Variants in GSAP observed in about 807,000 individuals in gnomAD.
GSAP encodes the protein gamma-secretase-activating protein.
A neutral mutation model predicts 131.7 loss-of-function variants in GSAP; 118 were observed. The observed-to-expected ratio is 0.90, with a 90% CI of 0.77 to 1.04. The LOEUF is 1.04. Among genes scored for constraint, GSAP ranks in the 50% least tolerant of loss-of-function variants. The pLI, the probability that GSAP is intolerant of heterozygous loss-of-function variation, is 0.00. For missense variants in GSAP, 1,019 were observed against 1,013.2 expected, an observed-to-expected ratio of 1.01 and a Z score of -0.08; for synonymous variants, 381 against 363.4, an observed-to-expected ratio of 1.05 and a Z score of -0.55.
At chr7:77,354,095 G>A (rs147641314) in intron 16 of GSAP, among the ~76,000 whole-genome samples, 132 of 152,226 alleles carry the variant, frequency 8.7e-4, no homozygotes, top group African/African-American at 3.1e-3. Context: ...CCTCCTGAGG[G>A]AGGGATAATC....
chr7:77,330,552 T>C (rs1788952234), intron 19 of GSAP, 185 bp from the exon 20 acceptor site: 2 of 1,173,798 alleles, frequency 1.7e-6, no homozygotes, highest in African/African-American at 1.6e-5. Context: ...GAATCTTCTT[T>C]ACCCACTTCA....
chr7:77,353,432 C>T (rs1298023642), intron 17 of GSAP, 140 bp downstream of exon 17: 14 of 587,480 alleles, frequency 2.4e-5, no homozygotes, highest in Non-Finnish European at 3.9e-5. Flanking sequence ...CTGCTGACTC[C>T]GATAGAGTTT....
intron 28 of GSAP, among the ~76,000 whole-genome samples, chr7:77,312,613 T>C (rs1794519167): frequency 6.6e-6 from 1 of 152,232 alleles, no homozygotes; most frequent in African/African-American, 2.4e-5. Flanking sequence ...TAAACAAATT[T>C]GGAGACCAAA....
chr7:77,382,311 C>T (rs940611525), intron 7 of GSAP, among the ~76,000 whole-genome samples: 3 of 152,108 alleles, frequency 2.0e-5, no homozygotes, highest in Admixed American at 6.6e-5. Context: ...TACAAACATT[C>T]TACCATGGGA....
intron 3 of GSAP, among the ~76,000 whole-genome samples, chr7:77,402,999 C>T (rs1431393767): frequency 3.9e-5 from 6 of 152,086 alleles, no homozygotes; most frequent in East Asian, 1.9e-4. Flanking sequence ...CTAAAGGTAA[C>T]GGGGATAAAA....
At chr7:77,382,510 T>C (rs1797947863) in intron 7 of GSAP, 64 bp downstream of exon 7, 2 of 849,258 alleles carry the variant, frequency 2.4e-6, no homozygotes, top group African/African-American at 1.6e-5. Context: ...TTCAATCATG[T>C]ACCACACTAG....
At chr7:77,343,075 G>C (rs1791257806) in intron 19 of GSAP, among the ~76,000 whole-genome samples, 1 of 152,206 alleles carries the variant, frequency 6.6e-6, no homozygotes, top group African/African-American at 2.4e-5. Flanking sequence ...AGGGCTGTAT[G>C]GTTGGAGTTC....
At chr7:77,318,069 G>C (rs146573731) in intron 26 of GSAP, among the ~76,000 whole-genome samples, 25 of 152,296 alleles carry the variant, frequency 1.6e-4, no homozygotes, top group African/African-American at 6.0e-4. Flanking sequence ...CCCATAAATA[G>C]CCCATGTTTC....
intron 19 of GSAP, among the ~76,000 whole-genome samples, chr7:77,334,580 T>TAAAAAAA (rs57442782): frequency 7.3e-5 from 6 of 81,950 alleles, no homozygotes; most frequent in African/African-American, 2.5e-4. Flanking sequence ...ACTTAAAATT[T>TAAAAAAA]AAAAAAAAAA....
chr7:77,387,126 T>G (rs1584664482), intron 6 of GSAP, among the ~76,000 whole-genome samples: 1 of 152,246 alleles, frequency 6.6e-6, no homozygotes, highest in East Asian at 1.9e-4. Flanking sequence ...TATTTGATAT[T>G]TTATCATGAG....
At chr7:77,334,038 T>C (rs1373028330) in intron 19 of GSAP, among the ~76,000 whole-genome samples, 1 of 152,136 alleles carries the variant, frequency 6.6e-6, no homozygotes. Flanking sequence ...GAACTGGAAG[T>C]ATTATACCAT....
At chr7:77,329,483 T>A in intron 20 of GSAP, 92 bp from the exon 21 acceptor site, 2 of 569,332 alleles carry the variant, frequency 3.5e-6, no homozygotes, top group Non-Finnish European at 3.1e-6. Context: ...GTTAAGAGCA[T>A]CAGAGAGAAG....
At chr7:77,404,536 A>C (rs1384333324) in intron 3 of GSAP, 23 bp downstream of exon 3, 1 of 1,302,800 alleles carries the variant, frequency 7.7e-7, no homozygotes, top group Non-Finnish European at 1.1e-6. Context: ...TAAAGTAACC[A>C]ATGAGTAATC....
At chr7:77,378,728 C>T (rs755198807) in intron 8 of GSAP, among the ~76,000 whole-genome samples, 23 of 152,292 alleles carry the variant, frequency 1.5e-4, no homozygotes, top group Admixed American at 3.9e-4. Flanking sequence ...CTGGAATCCA[C>T]GTCCTGGAAT....
chr7:77,347,072 C>T (rs1457439522), intron 19 of GSAP, among the ~76,000 whole-genome samples: 1 of 151,902 alleles, frequency 6.6e-6, no homozygotes. Flanking sequence ...GGAAGTTTCC[C>T]CATAGCTGAA....
chr7:77,371,122 T>C (rs762161853), intron 12 of GSAP, among the ~76,000 whole-genome samples: 3 of 152,110 alleles, frequency 2.0e-5, no homozygotes, highest in Non-Finnish European at 4.4e-5. Flanking sequence ...TCTTCTAAGC[T>C]CCAGATCTTT....
Position 77,311,377 on chromosome 7 carries a change from G to A in GSAP, c.2546C>T (p.Ala849Val), listed in dbSNP as rs997595271. Residue 849 changes from alanine to valine, a missense_variant, in exon 31 of 31, where the codon GCG (alanine) becomes GTG (valine). Ala to Val is a moderately conservative substitution (Grantham distance 64, BLOSUM62 0). Transcript: ENST00000257626. ...TCTTTTTCATAAGCCTAAAAGCATC[G>A]CGGTGTGTTTCAGAGCTGCTTCCTC... is the stretch of plus-strand genomic sequence containing the variant. Reference protein sequence around the residue: ...FVEEAALKHTAMLLGL With the variant: ...FVEEAALKHTVMLLGL The A allele has an allele frequency of 8.7e-6, 14 of 1,605,934 alleles. No homozygotes were observed. The highest frequency in any genetic ancestry group is 1.3e-5 in the African/African-American group (1 of 74,864).
intron 18 of GSAP, among the ~76,000 whole-genome samples, chr7:77,352,226 A>T (rs1792990987): frequency 6.6e-6 from 1 of 152,212 alleles, no homozygotes; most frequent in African/African-American, 2.4e-5. Context: ...ATTTAAATTC[A>T]ATTTATTTTT....
intron 10 of GSAP, among the ~76,000 whole-genome samples, chr7:77,375,839 G>A (rs1193750650): frequency 7.9e-5 from 5 of 63,422 alleles, no homozygotes; most frequent in South Asian, 5.2e-4. Context: ...GTGAGACTCC[G>A]TCTTAAAAAA....
Sources: allele counts gnomAD v4.1 joint callset (sites outside exome capture counted in the v4.1 genomes callset), GRCh38; gene constraint gnomAD v4.1.1; transcripts MANE v1.5; gene names NCBI Gene and HGNC (gene_info 2026-07-23, HGNC 2026-07-21).